Variants in MAN1C1 observed in about 807,000 individuals in gnomAD.
MAN1C1 encodes the protein mannosyl-oligosaccharide 1,2-alpha-mannosidase IC.
Under a neutral mutation model 71.5 loss-of-function variants are expected in MAN1C1, and 49 were observed. The ratio of observed to expected loss-of-function variants is 0.69; its 90% CI spans 0.54 to 0.87. The LOEUF is 0.87. Ranked by LOEUF, MAN1C1 falls within the 40% of genes least tolerant of loss-of-function variation. The pLI, the probability that MAN1C1 is intolerant of heterozygous loss-of-function variation, is 0.00. For synonymous variants in MAN1C1, 352 were observed against 343.7 expected (o/e 1.02, Z -0.27); for missense variants, 743 against 835.0 (o/e 0.89, Z 1.36).
intron 2 of MAN1C1, among the ~76,000 whole-genome samples, chr1:25,737,135 C>CT (rs1310318892): frequency 6.6e-6 from 1 of 152,252 alleles, no homozygotes; most frequent in Admixed American, 6.5e-5. Flanking sequence ...ACACAGGTTT[C>CT]CAGATCAGAC....
intron 2 of MAN1C1, among the ~76,000 whole-genome samples, chr1:25,712,496 G>C (rs1158778489): frequency 6.6e-6 from 1 of 152,198 alleles, no homozygotes; most frequent in Non-Finnish European, 1.5e-5. Context: ...GGGAGAAGGG[G>C]CCTTGGCCTG....
rs1296567289 is a variant in MAN1C1 at position 25,618,024 on chromosome 1, G to T, written c.227G>T (p.Arg76Leu). ...VAEIAGHAPA[R>L]EQEPPPNPAP... ...GAAATCGCCGGCCATGCCCCGGCCC[G>T]CGAGCAGGAGCCGCCTCCCAACCCG... The change falls in exon 1 of 12, where the codon CGC becomes CTC. Residue 76 changes from arginine (R) to leucine (L), a missense_variant. Coordinates refer to ENST00000374332, the MANE Select transcript of MAN1C1 (RefSeq NM_020379.4). 3 of 1,595,368 alleles carry T rather than the reference G, an allele frequency of 1.9e-6. No individual in the cohort carries two copies. In the East Asian group the frequency reaches 7.0e-5, roughly 37 times the overall value.
At chr1:25,701,464 G>A (rs1386356893) in intron 2 of MAN1C1, among the ~76,000 whole-genome samples, 1 of 152,206 alleles carries the variant, frequency 6.6e-6, no homozygotes, top group East Asian at 1.9e-4. Flanking sequence ...GCTCAGGCCT[G>A]CACACCTGGC....
intron 1 of MAN1C1, among the ~76,000 whole-genome samples, chr1:25,649,928 G>A (rs1164936794): frequency 2.6e-5 from 4 of 152,160 alleles, no homozygotes; most frequent in South Asian, 2.1e-4. Flanking sequence ...GTGAGCCACC[G>A]TGCCCGGCCT....
intron 1 of MAN1C1, among the ~76,000 whole-genome samples, chr1:25,644,278 T>A (rs1250071853): frequency 6.6e-6 from 1 of 151,846 alleles, no homozygotes; most frequent in Non-Finnish European, 1.5e-5. Flanking sequence ...TGGGAGGTGT[T>A]GTGCATGTGG....
chr1:25,758,475 T>C, intron 5 of MAN1C1, 117 bp from the exon 6 acceptor site: 1 of 821,250 alleles, frequency 1.2e-6, no homozygotes, highest in Non-Finnish European at 2.1e-6. Context: ...CGGCGAAAGC[T>C]CCTGGTTCCA....
chr1:25,657,125 C>T (rs2045779709), intron 1 of MAN1C1, among the ~76,000 whole-genome samples: 1 of 152,154 alleles, frequency 6.6e-6, no homozygotes, highest in African/African-American at 2.4e-5. Context: ...GCGCCCAGCC[C>T]CAACCTTGGG....
intron 2 of MAN1C1, among the ~76,000 whole-genome samples, chr1:25,736,667 C>T (rs1178378359): frequency 6.6e-6 from 1 of 152,210 alleles, no homozygotes; most frequent in Non-Finnish European, 1.5e-5. Flanking sequence ...GCTGGGGCCA[C>T]AGGCACATGC....
At chr1:25,780,021 G>A (rs757869111) in intron 9 of MAN1C1, among the ~76,000 whole-genome samples, 1 of 152,040 alleles carries the variant, frequency 6.6e-6, no homozygotes. Context: ...AAAGAGCACC[G>A]CCCTAGGAGA....
chr1:25,654,951 G>A (rs114136674), intron 1 of MAN1C1, among the ~76,000 whole-genome samples: 173 of 152,278 alleles, frequency 1.1e-3, no homozygotes, highest in African/African-American at 4.1e-3. Flanking sequence ...GGCCTAGGCT[G>A]TAAATTTTCC....
intron 1 of MAN1C1, among the ~76,000 whole-genome samples, chr1:25,643,671 A>T (rs1272300504): frequency 2.1e-5 from 3 of 144,164 alleles, no homozygotes; most frequent in Admixed American, 7.0e-5. Context: ...CACCCAGCTA[A>T]TTTTTTTGTA....
At chr1:25,627,415 C>T (rs1375376464) in intron 1 of MAN1C1, among the ~76,000 whole-genome samples, 2 of 152,206 alleles carry the variant, frequency 1.3e-5, no homozygotes, top group African/African-American at 2.4e-5. Flanking sequence ...GCTGAGACTA[C>T]AGGCATGAGC....
chr1:25,732,798 C>A (rs917369760), intron 2 of MAN1C1, among the ~76,000 whole-genome samples: 10 of 152,232 alleles, frequency 6.6e-5, no homozygotes, highest in Non-Finnish European at 1.5e-4. Context: ...CTGGCACTGC[C>A]TCTGCTATCT....
intron 7 of MAN1C1, among the ~76,000 whole-genome samples, chr1:25,768,851 TAC>T (rs1302937408): frequency 3.2e-5 from 4 of 123,418 alleles, no homozygotes; most frequent in East Asian, 2.9e-4. Context: ...ACACATTACA[TAC>T]ACTCTCCCTA....
intron 5 of MAN1C1, among the ~76,000 whole-genome samples, chr1:25,756,627 G>C (rs1381020722): frequency 6.6e-6 from 1 of 152,170 alleles, no homozygotes; most frequent in Non-Finnish European, 1.5e-5. Flanking sequence ...GAGGGACAGA[G>C]ATGGGGCAGG....
At chr1:25,672,555 T>C (rs936093168) in intron 1 of MAN1C1, among the ~76,000 whole-genome samples, 1 of 152,140 alleles carries the variant, frequency 6.6e-6, no homozygotes, top group Non-Finnish European at 1.5e-5. Context: ...CTTTTTCACA[T>C]CTCATCACTT....
In MAN1C1 at chr1:25,618,170, CG is replaced by C. The variant is rs1279618940; in HGVS notation, c.377del (p.Gly126AlafsTer56). The C allele has an allele frequency of 1.3e-6, 2 of 1,558,924 alleles. No individual in the cohort carries two copies. The highest frequency in any genetic ancestry group is 1.7e-6 in the Non-Finnish European group (2 of 1,158,838). ...TGPREEATAA[R>X]GNSIPASRPG... Reference sequence around the variant, plus strand: ...ACCCCGCGAGGAGGCCACGGCGGCCCGGGGCAATAGCATCCCGGCCTCCAGG... The same window carrying C: ...ACCCCGCGAGGAGGCCACGGCGGCCCGGGCAATAGCATCCCGGCCTCCAGG... On this transcript the variant is annotated frameshift_variant, in exon 1 of 12. Transcript: ENST00000374332. LOFTEE classifies it high-confidence loss of function.
chr1:25,689,759 G>A (rs1033717061), intron 2 of MAN1C1, among the ~76,000 whole-genome samples: 1 of 152,152 alleles, frequency 6.6e-6, no homozygotes, highest in Admixed American at 6.5e-5. Flanking sequence ...TGCAGACATG[G>A]GACACTGGGT....
Position 25,623,543 on chromosome 1 carries a change from C to T in MAN1C1, c.540+5206C>T, listed in dbSNP as rs551520467. 4.9e-4 allele frequency among the ~76,000 whole-genome samples: 75 copies of T among 152,100 alleles called. 1 individual carries two copies. The South Asian group carries it at 0.015, about 31-fold the overall frequency. On this transcript the variant is annotated intron_variant, in intron 1 of 11. Transcript: ENST00000374332. ...AAGAAATGCTTTTTCTCTAGCTTTC[C>T]CAGAAGACAGATCCATTACTCCACC...
Sources: gnomAD v4.1 joint callset for allele counts (sites outside exome capture counted in the v4.1 genomes callset) on GRCh38, gnomAD v4.1.1 for gene constraint, MANE v1.5 for transcripts, NCBI Gene and HGNC (gene_info 2026-07-23, HGNC 2026-07-21) for gene names.